COPS9: variants seen among roughly 807,000 people sequenced by gnomAD.
COPS9 encodes COP9 signalosome complex subunit 9.
COPS9 carries 8 observed loss-of-function variants against 7.2 expected under a neutral mutation model. The observed-to-expected ratio is 1.11, with a 90% CI of 0.65 to 2.00. The LOEUF (loss-of-function observed/expected upper bound fraction) is 2.00, where lower values mean the gene tolerates loss of function less well. COPS9 is among the 30% of genes most tolerant of loss of function. COPS9 has a pLI of 0.00. For synonymous variants in COPS9, 39 were observed against 28.7 expected (o/e 1.36, Z -1.14); for missense variants, 74 against 77.7 (o/e 0.95, Z 0.18).
intron 1 of COPS9, 68 bp from the exon 2 acceptor site, chr2:240,134,073 A>G: frequency 7.0e-7 from 1 of 1,428,448 alleles, no homozygotes; most frequent in Admixed American, 1.7e-5. Flanking sequence ...AGTGCATTGC[A>G]GGGCCACTAC....
At chr2:240,129,670 G>A (rs2071900922), downstream of COPS9, among the ~76,000 whole-genome samples, 1 of 152,192 alleles carries the variant, frequency 6.6e-6, no homozygotes, top group Non-Finnish European at 1.5e-5. Flanking sequence ...GTTCCCCACA[G>A]AGCCCTCTAT....
downstream of COPS9, among the ~76,000 whole-genome samples, chr2:240,127,246 C>T (rs1179478783): frequency 6.8e-6 from 1 of 147,956 alleles, no homozygotes; most frequent in Admixed American, 6.8e-5. Flanking sequence ...CCCACCCCTA[C>T]CAGGAAGCCC....
At chr2:240,127,142 T>C (rs1013101087), downstream of COPS9, among the ~76,000 whole-genome samples, 1 of 152,062 alleles carries the variant, frequency 6.6e-6, no homozygotes, top group Non-Finnish European at 1.5e-5. Flanking sequence ...TAGTAATAAT[T>C]AACGGCGAAT....
intron 1 of COPS9, among the ~76,000 whole-genome samples, chr2:240,135,586 G>A (rs1016229346): frequency 2.6e-5 from 4 of 152,104 alleles, no homozygotes; most frequent in African/African-American, 9.7e-5. Flanking sequence ...ATCAGACAAG[G>A]TCACTCTGTG....
At chr2:240,130,248 G>GA (rs932397147), downstream of COPS9, among the ~76,000 whole-genome samples, 1 of 152,222 alleles carries the variant, frequency 6.6e-6, no homozygotes, top group Non-Finnish European at 1.5e-5. Flanking sequence ...CTTTAACTCT[G>GA]AAAATGGGAA....
chr2:240,130,413 A>G (rs945163666), downstream of COPS9, among the ~76,000 whole-genome samples: 2 of 152,148 alleles, frequency 1.3e-5, no homozygotes, highest in African/African-American at 2.4e-5. Context: ...TGGGCGTTAC[A>G]CTCTCCTTTG....
chr2:240,136,301 T>C lies in COPS9; in HGVS notation c.-17A>G. On this transcript the variant is annotated 5_prime_UTR_variant, in exon 1 of 3. Transcript: ENST00000607357. ...CGGCTTCATCTCGGGGCCGCGGCGC[T>C]CTAGGCTCACTTCCGGCCTCAGAGC... 6.4e-7 allele frequency: 1 copy of C among 1,554,426 alleles called. No homozygotes were observed. Among genetic ancestry groups the C allele is most frequent in the Non-Finnish European group, 8.7e-7 (1 of 1,154,454 alleles).
downstream of COPS9, chr2:240,130,721 T>A (rs957850699): frequency 9.6e-7 from 1 of 1,042,354 alleles, no homozygotes; most frequent in Non-Finnish European, 1.2e-6. Flanking sequence ...TGTGGTTCTC[T>A]CAGCGTGCTG....
At position 240,136,230 on chromosome 2, in the gene COPS9, G is replaced by A. The variant is rs2071990072; in HGVS notation, c.55C>T (p.Leu19=). Residue 19 remains leucine (L), a synonymous_variant, in exon 1 of 3, where the codon CTG becomes TTG. Transcript: ENST00000607357. The part of the protein sequence containing the change: ...FPEGAGPYVD[L]DEAGGSTGLL... ...CGCCGGGCCCGTGCCACCTCGTCCA[G>A]GTCCACGTAGGGCCCGGCGCCCTCG... is the stretch of plus-strand genomic sequence containing the variant. The A allele has an allele frequency of 1.9e-6, 3 of 1,559,702 alleles. No individual in the cohort carries two copies. The highest frequency in any genetic ancestry group is 2.6e-5 in the East Asian group (1 of 38,068).
downstream of COPS9, among the ~76,000 whole-genome samples, chr2:240,128,512 G>A (rs1308334727): frequency 1.3e-5 from 2 of 152,218 alleles, no homozygotes; most frequent in African/African-American, 4.8e-5. Flanking sequence ...TCCCCGCAGA[G>A]CTGTGCTGCC....
intron 2 of COPS9, among the ~76,000 whole-genome samples, chr2:240,133,708 G>A (rs1473594316): frequency 2.0e-5 from 3 of 152,236 alleles, no homozygotes; most frequent in Non-Finnish European, 4.4e-5. Flanking sequence ...TGGGCTGCAA[G>A]CTGGGAACAA....
chr2:240,128,515 G>GTGCTGCCT (rs372335173), downstream of COPS9, among the ~76,000 whole-genome samples: 286 of 152,326 alleles, frequency 1.9e-3, 4 homozygotes, highest in African/African-American at 6.6e-3. Flanking sequence ...CCGCAGAGCT[G>GTGCTGCCT]TGCTGCCTTG....
chr2:240,129,912 T>C (rs755639567), downstream of COPS9: 77 of 1,613,526 alleles, frequency 4.8e-5, 1 homozygote, highest in Admixed American at 9.7e-4. Context: ...ACTTCTTACC[T>C]CTTCCGACAC....
intron 2 of COPS9, among the ~76,000 whole-genome samples, chr2:240,131,972 C>T (rs1465213482): frequency 3.3e-5 from 5 of 152,106 alleles, no homozygotes; most frequent in African/African-American, 4.8e-5. Flanking sequence ...CAGAGGGTCC[C>T]GACGCTCCCC....
intron 2 of COPS9, among the ~76,000 whole-genome samples, chr2:240,133,451 T>C (rs1306043589): frequency 6.6e-6 from 1 of 152,192 alleles, no homozygotes; most frequent in Non-Finnish European, 1.5e-5. Flanking sequence ...TGCGTCCTGA[T>C]TTCAGAGCTG....
At chr2:240,135,310 T>C (rs1055197940) in intron 1 of COPS9, among the ~76,000 whole-genome samples, 3 of 152,122 alleles carry the variant, frequency 2.0e-5, no homozygotes, top group African/African-American at 7.2e-5. Flanking sequence ...AGTCGACTCC[T>C]CAGCTGTACC....
At chr2:240,136,050 A>C in intron 1 of COPS9, 172 bp downstream of exon 1, 1 of 1,089,720 alleles carries the variant, frequency 9.2e-7, no homozygotes, top group Non-Finnish European at 1.2e-6. Flanking sequence ...GCCTTTCACC[A>C]GGTGCTCGGA....
chr2:240,134,879 C>T lies in COPS9; in HGVS notation c.64-874G>A, dbSNP rs568838891. Reference sequence around the variant, plus strand: ...CACCCTCTTCAACTCTCCTGTTCTCCCTGCTCTCATTTTTCTACCCTCTCA... The same window carrying T: ...CACCCTCTTCAACTCTCCTGTTCTCTCTGCTCTCATTTTTCTACCCTCTCA... On this transcript the variant is annotated intron_variant, in intron 1 of 2. Coordinates refer to ENST00000607357, the MANE Select transcript of COPS9 (RefSeq NM_001163424.2). Among the ~76,000 whole-genome samples, 4 of 152,176 alleles carry T rather than the reference C, an allele frequency of 2.6e-5. No homozygotes were observed. The South Asian group carries it at 8.3e-4, about 32-fold the overall frequency.
At chr2:240,126,831 G>A (rs137993079), downstream of COPS9, 26 of 1,614,062 alleles carry the variant, frequency 1.6e-5, no homozygotes, top group Non-Finnish European at 1.9e-5. Context: ...GCCACACAGC[G>A]GATGTTCTCT....
Sources: allele counts gnomAD v4.1 joint callset (sites outside exome capture counted in the v4.1 genomes callset), GRCh38; gene constraint gnomAD v4.1.1; transcripts MANE v1.5; gene names NCBI Gene and HGNC (gene_info 2026-07-23, HGNC 2026-07-21).